The following DLGAP1 variants were observed in gnomAD, a reference collection of about 807,000 sequenced individuals.
DLGAP1 encodes the protein disks large-associated protein 1.
Under a neutral mutation model 90.8 loss-of-function variants are expected in DLGAP1, and 11 were observed. That is an observed-to-expected ratio of 0.12 (90% CI 0.08 to 0.20). The LOEUF (loss-of-function observed/expected upper bound fraction) is 0.20. DLGAP1 is among the 10% of genes least tolerant of loss of function. The probability of loss-of-function intolerance (pLI) is 1.00; values close to 1 mark genes in which losing one functional copy is unlikely to be tolerated. For missense variants in DLGAP1, 1,050 were observed against 1,333.8 expected (o/e 0.79, Z 3.31); for synonymous variants, 558 against 540.7 (o/e 1.03, Z -0.44).
In DLGAP1 at chr18:4,305,217, T is replaced by C. The variant is rs144249952; in HGVS notation, c.-267+149789A>G. On this transcript the variant is annotated intron_variant, in intron 1 of 12. Coordinates refer to ENST00000315677, the MANE Select transcript of DLGAP1 (RefSeq NM_004746.4). ...TGTGAAAGGAAAGGGAGACAAAGCATGATGACAATGAGAATGAACAATAAC... is the reference window on the plus strand; with the variant it reads ...TGTGAAAGGAAAGGGAGACAAAGCACGATGACAATGAGAATGAACAATAAC... Among the ~76,000 whole-genome samples the C allele has an allele frequency of 2.2e-3, 332 of 151,898 alleles. 1 individual carries two copies. Among genetic ancestry groups the C allele is most frequent in the African/African-American group, 7.4e-3 (305 of 41,422 alleles).
chr18:4,216,088 C>T (rs2077948057), intron 1 of DLGAP1, among the ~76,000 whole-genome samples: 1 of 152,078 alleles, frequency 6.6e-6, no homozygotes, highest in Non-Finnish European at 1.5e-5. Context: ...GTTTAATTGA[C>T]TAACAGTTCA....
At chr18:3,937,835 G>A (rs1305273514) in intron 3 of DLGAP1, among the ~76,000 whole-genome samples, 2 of 152,172 alleles carry the variant, frequency 1.3e-5, no homozygotes, top group Admixed American at 6.5e-5. Context: ...GAGGGCTTTG[G>A]AGCAGACTGC....
In DLGAP1 at chr18:3,582,287, G is replaced by A. The variant is rs771678763; in HGVS notation, c.1592-39C>T. 1.3e-5 allele frequency: 21 copies of A among 1,580,792 alleles called. No individual in the cohort carries two copies. The Admixed American group carries it at 2.0e-4, about 15-fold the overall frequency. ...AAAACAAAGACAATGTGATTTCTGC[G>A]TGGGTTTTAATTTCTGATATTGTAA... On this transcript the variant is annotated intron_variant, in intron 7 of 12. Transcript: ENST00000315677.
chr18:3,638,874 A>T (rs2058821329), intron 7 of DLGAP1, among the ~76,000 whole-genome samples: 1 of 152,248 alleles, frequency 6.6e-6, no homozygotes, highest in Non-Finnish European at 1.5e-5. Context: ...ATAAGATCCT[A>T]AAATGGTCAC....
At chr18:4,113,423 T>C (rs1486372269) in intron 2 of DLGAP1, among the ~76,000 whole-genome samples, 42 of 152,300 alleles carry the variant, frequency 2.8e-4, no homozygotes, top group Non-Finnish European at 2.1e-4. Flanking sequence ...GAAGTGTCTG[T>C]TCATGTCTTT....
chr18:4,055,578 T>C (rs1254296838), intron 2 of DLGAP1, among the ~76,000 whole-genome samples: 1 of 152,200 alleles, frequency 6.6e-6, no homozygotes, highest in Non-Finnish European at 1.5e-5. Context: ...AGTTTGCTTA[T>C]GGAAATGGCC....
chr18:3,766,381 G>A (rs2064243580), intron 5 of DLGAP1, among the ~76,000 whole-genome samples: 1 of 152,112 alleles, frequency 6.6e-6, no homozygotes, highest in Non-Finnish European at 1.5e-5. Flanking sequence ...GATTGTAGTT[G>A]GAGACCTCAG....
At chr18:4,072,423 TATC>T (rs953603657) in intron 2 of DLGAP1, among the ~76,000 whole-genome samples, 3 of 151,906 alleles carry the variant, frequency 2.0e-5, no homozygotes, top group Non-Finnish European at 4.4e-5. Context: ...TCATTTTCAT[TATC>T]ATCATCATCA....
chr18:3,907,060 T>G (rs538124614), intron 3 of DLGAP1, among the ~76,000 whole-genome samples: 1 of 152,342 alleles, frequency 6.6e-6, no homozygotes, highest in Non-Finnish European at 1.5e-5. Context: ...TGGGAGGATA[T>G]GCATATGCAA....
intron 7 of DLGAP1, among the ~76,000 whole-genome samples, chr18:3,643,524 G>A (rs376614468): frequency 2.0e-5 from 3 of 152,048 alleles, no homozygotes; most frequent in Admixed American, 1.3e-4. Context: ...TTAGCCGGGC[G>A]TGGTGGCAGG....
chr18:3,741,309 TCACCACCAC>T (rs1224630769), intron 6 of DLGAP1, among the ~76,000 whole-genome samples: 1 of 47,218 alleles, frequency 2.1e-5, no homozygotes, highest in Non-Finnish European at 3.9e-5. Context: ...CCACATCACA[TCACCACCAC>T]CACCACCACC....
At chr18:4,141,426 G>A (rs1369742414) in intron 2 of DLGAP1, among the ~76,000 whole-genome samples, 2 of 151,944 alleles carry the variant, frequency 1.3e-5, no homozygotes, top group East Asian at 1.9e-4. Flanking sequence ...GAATACACAA[G>A]CATGCATTCC....
rs868182307 is a variant in DLGAP1 at position 4,104,009 on chromosome 18, T to G, written c.-159+47171A>C. 3.9e-5 allele frequency among the ~76,000 whole-genome samples: 6 copies of G among 152,294 alleles called. No homozygotes were observed. In the Middle Eastern group the frequency reaches 0.01, roughly 259 times the overall value. ...AGTGAGACTGACTTCCAGTTTTCCT[T>G]GTCTGTGTGTATTCTTTAATCTAAT... is the stretch of plus-strand genomic sequence containing the variant. On this transcript the variant is annotated intron_variant, in intron 2 of 12. Transcript: ENST00000315677.
chr18:3,639,386 G>T (rs979464389), intron 7 of DLGAP1, among the ~76,000 whole-genome samples: 2 of 151,694 alleles, frequency 1.3e-5, no homozygotes, highest in Non-Finnish European at 2.9e-5. Context: ...GAAAAGAAAA[G>T]AAAAGAAAAG....
chr18:3,692,324 C>T (rs897562531), intron 7 of DLGAP1, among the ~76,000 whole-genome samples: 22 of 152,090 alleles, frequency 1.4e-4, no homozygotes, highest in Admixed American at 1.4e-3. Flanking sequence ...CCTCTACAAA[C>T]CATTAATAGC....
At chr18:3,646,525 C>G (rs936735126) in intron 7 of DLGAP1, among the ~76,000 whole-genome samples, 2 of 152,166 alleles carry the variant, frequency 1.3e-5, no homozygotes, top group African/African-American at 4.8e-5. Context: ...TTGATTGCAT[C>G]AAGCTCATTA....
intron 3 of DLGAP1, among the ~76,000 whole-genome samples, chr18:3,966,078 T>A (rs1217120058): frequency 6.6e-6 from 1 of 151,530 alleles, no homozygotes; most frequent in Non-Finnish European, 1.5e-5. Context: ...AAATAATAAG[T>A]GCCCTGAAAA....
intron 7 of DLGAP1, among the ~76,000 whole-genome samples, chr18:3,698,982 T>C (rs2061187417): frequency 1.3e-5 from 2 of 152,152 alleles, no homozygotes; most frequent in African/African-American, 4.8e-5. Flanking sequence ...GCTGTGTTTC[T>C]CAGCTACATC....
At chr18:3,863,454 A>C (rs2070202585) in intron 4 of DLGAP1, among the ~76,000 whole-genome samples, 1 of 152,188 alleles carries the variant, frequency 6.6e-6, no homozygotes, top group Non-Finnish European at 1.5e-5. Context: ...CTGGAGATAA[A>C]GTTAAGTTTT....
Sources: gnomAD v4.1 joint callset for allele counts (sites outside exome capture counted in the v4.1 genomes callset) on GRCh38, gnomAD v4.1.1 for gene constraint, MANE v1.5 for transcripts, NCBI Gene and HGNC (gene_info 2026-07-23, HGNC 2026-07-21) for gene names.